The following KLRG1 variants were observed in gnomAD, a reference collection of about 807,000 sequenced individuals.
KLRG1 encodes killer cell lectin-like receptor subfamily G member 1.
In KLRG1, 16 loss-of-function variants were observed where a neutral mutation model predicts 21.8. The observed-to-expected ratio is 0.73, with a 90% CI of 0.50 to 1.11. The LOEUF is 1.11. KLRG1 is among the 50% of genes most tolerant of loss of function. The pLI is 0.00. For synonymous variants in KLRG1, 69 were observed against 75.9 expected (o/e 0.91, Z 0.47); for missense variants, 173 against 218.3 (o/e 0.79, Z 1.31).
the KLRG1 span, chr12:9,074,513 C>G: frequency 6.6e-7 from 1 of 1,513,906 alleles, no homozygotes; most frequent in African/African-American, 1.4e-5. Context: ...TCATTCAAAT[C>G]TTTTGCTACC....
the KLRG1 span, chr12:9,077,272 T>C: frequency 7.5e-7 from 1 of 1,327,670 alleles, no homozygotes; most frequent in Non-Finnish European, 1.1e-6. Flanking sequence ...AATAGGATAG[T>C]ATTTCAGACA....
chr12:9,009,171 A>AGGAG, intron 4 of KLRG1, 96 bp downstream of exon 4: 1 of 972,654 alleles, frequency 1.0e-6, no homozygotes, highest in Non-Finnish European at 1.5e-6. Flanking sequence ...GCAGATGGAG[A>AGGAG]GGAGAGGAAA....
At chr12:9,173,324 G>A in the KLRG1 span, among the ~76,000 whole-genome samples, 1 of 152,198 alleles carries the variant, frequency 6.6e-6, no homozygotes, top group Admixed American at 6.5e-5. Context: ...AGCTAAAACA[G>A]TGTTAAGTGG....
chr12:9,052,743 A>T, the KLRG1 span: 1 of 413,818 alleles, frequency 2.4e-6, no homozygotes, highest in Non-Finnish European at 4.7e-6. Context: ...GGAGCTTGGG[A>T]AAGTTTCTGA....
At chr12:9,028,043 G>A in the KLRG1 span, 1 of 1,291,112 alleles carries the variant, frequency 7.7e-7, no homozygotes, top group East Asian at 2.3e-5. Context: ...AGGTTACAAA[G>A]GCAAAGTCCC....
chr12:9,206,299 C>T, the KLRG1 span, among the ~76,000 whole-genome samples: 1 of 151,068 alleles, frequency 6.6e-6, no homozygotes, highest in Non-Finnish European at 1.5e-5. Context: ...AATTATAAGC[C>T]TAAAAGATAT....
the KLRG1 span, among the ~76,000 whole-genome samples, chr12:9,097,102 A>G: frequency 6.6e-6 from 1 of 152,304 alleles, no homozygotes; most frequent in African/African-American, 2.4e-5. Context: ...CAGGGTTGTT[A>G]TAATTTGAAA....
At chr12:8,973,048 A>T (rs1946596605) in intron 1 of KLRG1, among the ~76,000 whole-genome samples, 1 of 150,002 alleles carries the variant, frequency 6.7e-6, no homozygotes, top group Admixed American at 6.7e-5. Context: ...GGAGGCTGGG[A>T]TTTGGGAGGC....
At chr12:9,141,586 A>G in the KLRG1 span, among the ~76,000 whole-genome samples, 1 of 152,184 alleles carries the variant, frequency 6.6e-6, no homozygotes, top group Non-Finnish European at 1.5e-5. Context: ...TTTCCTTTAC[A>G]ATTAACCTTC....
the KLRG1 span, among the ~76,000 whole-genome samples, chr12:9,047,278 G>T: frequency 6.6e-6 from 1 of 152,212 alleles, no homozygotes. Flanking sequence ...TGTTATAAGG[G>T]ACGGGAGTGA....
the KLRG1 span, among the ~76,000 whole-genome samples, chr12:9,054,507 G>A: frequency 3.9e-5 from 6 of 152,148 alleles, no homozygotes; most frequent in Admixed American, 2.6e-4. Flanking sequence ...AGCATACAAC[G>A]TGTAATGATC....
the KLRG1 span, among the ~76,000 whole-genome samples, chr12:9,126,786 G>A: frequency 6.6e-6 from 1 of 152,028 alleles, no homozygotes; most frequent in Non-Finnish European, 1.5e-5. Flanking sequence ...TCTCTGCCTG[G>A]GATTCTGCTC....
the KLRG1 span, among the ~76,000 whole-genome samples, chr12:9,018,519 A>C: frequency 3.3e-5 from 5 of 152,122 alleles, no homozygotes; most frequent in Non-Finnish European, 7.4e-5. Flanking sequence ...AAGAATAAAC[A>C]CTGGGGAAAG....
the KLRG1 span, among the ~76,000 whole-genome samples, chr12:9,017,251 T>G: frequency 3.1e-5 from 2 of 65,156 alleles, no homozygotes; most frequent in African/African-American, 6.3e-5. Context: ...GCAACAAGAG[T>G]GAAACTCCAT....
At chr12:9,200,501 T>C in the KLRG1 span, 1 of 1,358,460 alleles carries the variant, frequency 7.4e-7, no homozygotes, top group Admixed American at 1.9e-5. Flanking sequence ...TTATTGGAAA[T>C]ACAAATAATT....
At chr12:9,105,924 C>G in the KLRG1 span, among the ~76,000 whole-genome samples, 1 of 152,062 alleles carries the variant, frequency 6.6e-6, no homozygotes, top group African/African-American at 2.4e-5. Context: ...CCTGAGACTG[C>G]CTGGTAAACC....
chr12:9,141,499 G>A, the KLRG1 span, among the ~76,000 whole-genome samples: 1 of 152,104 alleles, frequency 6.6e-6, no homozygotes, highest in Non-Finnish European at 1.5e-5. Flanking sequence ...AACCCACTGT[G>A]CTTTTATTTT....
the KLRG1 span, chr12:9,165,922 G>C: frequency 1.5e-5 from 17 of 1,139,426 alleles, no homozygotes; most frequent in Admixed American, 4.2e-4. Flanking sequence ...TTTTACTTAG[G>C]TCTATCCTAA....
chr12:9,101,735 A>C, the KLRG1 span: 15 of 1,338,318 alleles, frequency 1.1e-5, no homozygotes, highest in South Asian at 1.4e-5. Context: ...TAATGTTCTC[A>C]CAAAACTACG....
Sources: gnomAD v4.1 joint callset for allele counts (sites outside exome capture counted in the v4.1 genomes callset) on GRCh38, gnomAD v4.1.1 for gene constraint, MANE v1.5 for transcripts, NCBI Gene and HGNC (gene_info 2026-07-23, HGNC 2026-07-21) for gene names.